KCNC2: variants seen among roughly 807,000 people sequenced by gnomAD.
KCNC2 encodes potassium voltage-gated channel subfamily C member 2, also known as voltage-gated potassium channel KCNC2.
In KCNC2, 21 loss-of-function variants were observed where a neutral mutation model predicts 44.5. That is an observed-to-expected ratio of 0.47 (90% CI 0.33 to 0.68). KCNC2 has a LOEUF of 0.68. KCNC2 is among the 30% of genes least tolerant of loss of function. KCNC2 has a pLI of 0.01. For missense variants in KCNC2, 589 were observed against 826.2 expected, an observed-to-expected ratio of 0.71 and a Z score of 3.52; for synonymous variants, 391 against 339.1, an observed-to-expected ratio of 1.15 and a Z score of -1.68.
intron 2 of KCNC2, among the ~76,000 whole-genome samples, chr12:75,152,284 TC>T (rs964244520): frequency 4.0e-5 from 6 of 148,962 alleles, no homozygotes; most frequent in African/African-American, 1.5e-4. Flanking sequence ...AAAAAGAGTA[TC>T]AAAATGAATA....
chr12:75,159,341 T>C (rs1428127913), intron 2 of KCNC2, among the ~76,000 whole-genome samples: 1 of 151,812 alleles, frequency 6.6e-6, no homozygotes, highest in Non-Finnish European at 1.5e-5. Flanking sequence ...CAAAACAGTG[T>C]GGATCTTGTT....
At chr12:75,071,244 A>G (rs1883369267) in intron 2 of KCNC2, among the ~76,000 whole-genome samples, 1 of 152,160 alleles carries the variant, frequency 6.6e-6, no homozygotes, top group African/African-American at 2.4e-5. Flanking sequence ...CTCTTGTAGC[A>G]TTAAAGACGG....
rs747864790 is a variant in KCNC2 at position 75,207,903 on chromosome 12, C to T, written c.81G>A (p.Lys27=). The T allele has an allele frequency of 1.2e-5, 20 of 1,612,788 alleles. No homozygotes were observed. In the East Asian group the frequency reaches 3.1e-4, roughly 25 times the overall value. The change falls in exon 2 of 5, where the codon AAG becomes AAA. Residue 27 remains lysine, a synonymous_variant. Coordinates refer to ENST00000549446, the MANE Select transcript of KCNC2 (RefSeq NM_139137.4). The surrounding 1 kb of genome is among the most constrained non-coding windows in gnomAD (Gnocchi z 4.1). Reference sequence around the variant, plus strand: ...GGGCCAGGCGTGTTCCAGGCAGGGTCTTGAGGGTGCTGCGGTAGGTTTCGT... The same window carrying T: ...GGGCCAGGCGTGTTCCAGGCAGGGTTTTGAGGGTGCTGCGGTAGGTTTCGT... ...TRHETYRSTL[K]TLPGTRLALL...
chr12:75,125,543 A>G (rs1888355510), intron 2 of KCNC2, among the ~76,000 whole-genome samples: 1 of 152,204 alleles, frequency 6.6e-6, no homozygotes, highest in Admixed American at 6.5e-5. Context: ...CTATTTGCAT[A>G]TCCTTATGGA....
At chr12:75,199,085 T>A (rs924001600) in intron 2 of KCNC2, among the ~76,000 whole-genome samples, 1 of 151,866 alleles carries the variant, frequency 6.6e-6, no homozygotes, top group Non-Finnish European at 1.5e-5. Flanking sequence ...AAAAGTTGAT[T>A]ACTTTTTCTT....
chr12:75,088,756 T>C (rs1196769952), intron 2 of KCNC2, among the ~76,000 whole-genome samples: 2 of 152,008 alleles, frequency 1.3e-5, no homozygotes, highest in Non-Finnish European at 2.9e-5. Context: ...CAAGTTTTAG[T>C]TATTAATGTA....
At chr12:75,132,865 A>T (rs1242196052) in intron 2 of KCNC2, among the ~76,000 whole-genome samples, 1 of 152,092 alleles carries the variant, frequency 6.6e-6, no homozygotes, top group Non-Finnish European at 1.5e-5. Context: ...CAGCTCCACT[A>T]CTACTCCAGG....
At chr12:75,142,189 T>C (rs1001076001) in intron 2 of KCNC2, among the ~76,000 whole-genome samples, 13 of 152,136 alleles carry the variant, frequency 8.5e-5, no homozygotes, top group African/African-American at 3.1e-4. Context: ...GATTAATAAT[T>C]TGTCCAAGAT....
chr12:75,144,549 C>T (rs1183021572), intron 2 of KCNC2, among the ~76,000 whole-genome samples: 2 of 151,892 alleles, frequency 1.3e-5, no homozygotes, highest in African/African-American at 4.8e-5. Context: ...AGTTTGAGAC[C>T]AGCCTAGGAA....
chr12:75,046,950 A>G (rs996376691), intron 4 of KCNC2, among the ~76,000 whole-genome samples: 1 of 152,008 alleles, frequency 6.6e-6, no homozygotes, highest in African/African-American at 2.4e-5. Context: ...AAAATATTTC[A>G]AAGAAAAAGA....
intron 2 of KCNC2, among the ~76,000 whole-genome samples, chr12:75,090,854 C>A (rs994574179): frequency 2.0e-5 from 3 of 151,544 alleles, no homozygotes; most frequent in Non-Finnish European, 4.4e-5. Flanking sequence ...CTCAAAGATG[C>A]CTGAATAGAC....
chr12:75,123,505 C>A (rs892380960), intron 2 of KCNC2, among the ~76,000 whole-genome samples: 3 of 152,208 alleles, frequency 2.0e-5, no homozygotes, highest in Non-Finnish European at 4.4e-5. Context: ...ACCCTTAATT[C>A]TGCCCTATGT....
rs1156801513 is a variant in KCNC2, at chr12:75,040,352, A to C, written c.*2753T>G. 1 of 152,164 alleles carries C rather than the reference A, an allele frequency of 6.6e-6. No homozygotes were observed. Among genetic ancestry groups the C allele is most frequent in the Non-Finnish European group, 1.5e-5 (1 of 67,948 alleles). 9.4% of individuals were successfully genotyped at this position (152,164 alleles called of 1,614,324 possible). On this transcript the variant is annotated 3_prime_UTR_variant, in exon 5 of 5. Coordinates refer to ENST00000549446, the MANE Select transcript of KCNC2 (RefSeq NM_139137.4). Reference sequence around the variant, plus strand: ...CTACAACAGTTTTAAAGACACGTACAAGCTTCATTTGCCACAAAACTCACA... The same window carrying C: ...CTACAACAGTTTTAAAGACACGTACCAGCTTCATTTGCCACAAAACTCACA...
intron 2 of KCNC2, among the ~76,000 whole-genome samples, chr12:75,137,583 C>A (rs1162471728): frequency 1.3e-5 from 2 of 152,028 alleles, no homozygotes; most frequent in African/African-American, 4.8e-5. Flanking sequence ...ATATTTTGCC[C>A]CAAAATATTA....
intron 2 of KCNC2, among the ~76,000 whole-genome samples, chr12:75,148,741 TC>T (rs1244129217): frequency 1.3e-5 from 2 of 151,956 alleles, no homozygotes; most frequent in Non-Finnish European, 2.9e-5. Context: ...TTGGCCAATT[TC>T]TTTAAAGAAC....
chr12:75,173,117 T>C (rs1391757716), intron 2 of KCNC2, among the ~76,000 whole-genome samples: 2 of 151,924 alleles, frequency 1.3e-5, no homozygotes, highest in Non-Finnish European at 2.9e-5. Flanking sequence ...TATTTGCCTA[T>C]GAAATTATTT....
At chr12:75,063,842 T>G (rs1592786490) in intron 2 of KCNC2, among the ~76,000 whole-genome samples, 3 of 152,260 alleles carry the variant, frequency 2.0e-5, no homozygotes, top group Admixed American at 2.0e-4. Context: ...AAGAAGCAGA[T>G]GAGAAAAATA....
At chr12:75,107,736 ACT>A (rs1886905577) in intron 2 of KCNC2, among the ~76,000 whole-genome samples, 1 of 152,174 alleles carries the variant, frequency 6.6e-6, no homozygotes, top group South Asian at 2.1e-4. Context: ...GTTTGAGTAA[ACT>A]CTAAGAGCAA....
At chr12:75,194,543 T>C (rs2030591421) in intron 2 of KCNC2, among the ~76,000 whole-genome samples, 1 of 152,222 alleles carries the variant, frequency 6.6e-6, no homozygotes, top group African/African-American at 2.4e-5. Context: ...TGATTTGTTA[T>C]GGAAGCCTTA....
Sources: allele counts gnomAD v4.1 joint callset (sites outside exome capture counted in the v4.1 genomes callset), GRCh38; gene constraint gnomAD v4.1.1; non-coding constraint Gnocchi (gnomAD v3.1); transcripts MANE v1.5; gene names NCBI Gene and HGNC (gene_info 2026-07-23, HGNC 2026-07-21).